The following RUNX3 variants were observed in gnomAD, a reference collection of about 807,000 sequenced individuals.
RUNX3 encodes RUNX family transcription factor 3, also known as runt-related transcription factor 3.
Under a neutral mutation model 27.7 loss-of-function variants are expected in RUNX3, and 10 were observed. The ratio of observed to expected loss-of-function variants is 0.36; its 90% CI spans 0.22 to 0.61. The LOEUF (loss-of-function observed/expected upper bound fraction) is 0.61, where lower values mean the gene tolerates loss of function less well. Among genes scored for constraint, RUNX3 ranks in the 20% least tolerant of loss-of-function variants. The probability of loss-of-function intolerance (pLI) is 0.72; values close to 1 mark genes in which losing one functional copy is unlikely to be tolerated. For synonymous variants in RUNX3, 270 were observed against 269.2 expected (o/e 1.00, Z -0.03); for missense variants, 469 against 629.5 (o/e 0.75, Z 2.73).
At chr1:24,960,883 C>A (rs1016030434) in intron 2 of RUNX3, among the ~76,000 whole-genome samples, 3 of 152,096 alleles carry the variant, frequency 2.0e-5, no homozygotes, top group Admixed American at 1.3e-4. Context: ...TCAGCTTCCC[C>A]ATTTGTCACA....
At position 24,940,227 on chromosome 1, in the gene RUNX3, G is replaced by A. The variant is rs375444634; in HGVS notation, c.59-10375C>T. Reference sequence around the variant, plus strand: ...GAGGTAGAGATCAAGTTGAGACCAGGATATTGTGCAGGGAGTTCGAGTGTT... The same window carrying A: ...GAGGTAGAGATCAAGTTGAGACCAGAATATTGTGCAGGGAGTTCGAGTGTT... On this transcript the variant is annotated intron_variant, in intron 2 of 6. Coordinates refer to the RUNX3 transcript ENST00000338888. Among the ~76,000 whole-genome samples, 403 of 152,300 alleles carry A rather than the reference G, an allele frequency of 2.6e-3. 5 individuals carry two copies. The highest frequency in any genetic ancestry group is 4.1e-3 in the Non-Finnish European group (278 of 68,016).
chr1:24,948,670 G>T (rs1557857370), intron 2 of RUNX3, among the ~76,000 whole-genome samples: 1 of 151,544 alleles, frequency 6.6e-6, no homozygotes, highest in East Asian at 1.9e-4. Context: ...GCATGTGGGG[G>T]GTGCGTGCAA....
rs1641034857 is a variant in RUNX3, at chr1:24,923,259, G to C, written c.440-3915C>G. On this transcript the variant is annotated intron_variant, in intron 2 of 4. Transcript: ENST00000308873. The surrounding 1 kb of genome is among the most constrained non-coding windows in gnomAD (Gnocchi z 5.9). ...GTGTGGGGCCTAAGAGGAGGAGTGAGAGGGAGGGGCAGGAGTCCTGGACCT... is the reference window on the plus strand; with the variant it reads ...GTGTGGGGCCTAAGAGGAGGAGTGACAGGGAGGGGCAGGAGTCCTGGACCT... Among the ~76,000 whole-genome samples, 1 of 152,172 alleles carries C rather than the reference G, an allele frequency of 6.6e-6. No homozygotes were observed. Among genetic ancestry groups the C allele is most frequent in the Non-Finnish European group, 1.5e-5 (1 of 68,036 alleles).
chr1:24,929,147 G>A (rs1173894596), intron 1 of RUNX3: 2 of 465,078 alleles, frequency 4.3e-6, no homozygotes, highest in African/African-American at 4.0e-5. Flanking sequence ...TGAGCAGGAA[G>A]CTTTTGCGAA....
At chr1:24,937,130 C>G (rs952641787) in intron 2 of RUNX3, among the ~76,000 whole-genome samples, 1 of 152,282 alleles carries the variant, frequency 6.6e-6, no homozygotes, top group Middle Eastern at 3.4e-3. Flanking sequence ...GGGAGTGACC[C>G]CCAGTGTGGT....
At chr1:24,936,651 C>T (rs953261329) in intron 2 of RUNX3, among the ~76,000 whole-genome samples, 57 of 152,316 alleles carry the variant, frequency 3.7e-4, no homozygotes, top group Admixed American at 5.2e-4. Flanking sequence ...AGCTACCTCC[C>T]GCTGACTCCG....
At chr1:24,956,797 C>T (rs1055128928) in intron 2 of RUNX3, among the ~76,000 whole-genome samples, 1 of 152,190 alleles carries the variant, frequency 6.6e-6, no homozygotes, top group African/African-American at 2.4e-5. Flanking sequence ...CCAAAATGGA[C>T]CCCTCCTTTC....
chr1:24,935,081 C>T (rs1465288999), upstream of RUNX3, among the ~76,000 whole-genome samples: 3 of 152,174 alleles, frequency 2.0e-5, no homozygotes, highest in Admixed American at 6.5e-5. Flanking sequence ...GGGGAAAGGG[C>T]GTGATCAGGA....
chr1:24,919,000 T>C (rs977917336), intron 3 of RUNX3, among the ~76,000 whole-genome samples: 2 of 152,158 alleles, frequency 1.3e-5, no homozygotes, highest in African/African-American at 4.8e-5. Flanking sequence ...TTTCCTTGAC[T>C]CCCTCAGTAG....
chr1:24,964,445 C>CA, intron 2 of RUNX3: 1 of 1,313,684 alleles, frequency 7.6e-7, no homozygotes, highest in Non-Finnish European at 1.1e-6. Context: ...CCAGGGCGGT[C>CA]AGTGGAGGGA....
At position 24,962,591 on chromosome 1, in the gene RUNX3, C is replaced by CA; in HGVS notation, c.58+1922dup. Among the ~76,000 whole-genome samples, 1 of 152,340 alleles carries CA rather than the reference C, an allele frequency of 6.6e-6. No homozygotes were observed. The highest frequency in any genetic ancestry group is 6.5e-5 in the Admixed American group (1 of 15,312). ...GAGAGAGAAGGCTGAAGAGGGGAGA[C>CA]AGGTCTCCACAAAAGTGGAGGGAAG... is the stretch of plus-strand genomic sequence containing the variant. On this transcript the variant is annotated intron_variant, in intron 2 of 6. Transcript: ENST00000338888. The surrounding 1 kb of genome is among the most constrained non-coding windows in gnomAD (Gnocchi z 4.5).
In RUNX3 at chr1:24,923,592, C is replaced by T. The variant is rs1006442786; in HGVS notation, c.439+3982G>A. ...CCTCCAGGACCCATCATCAACCAGC[C>T]GGGGTGGCAGCAGGGCCTCAGGCAA... On this transcript the variant is annotated intron_variant, in intron 2 of 4. Transcript: ENST00000308873. This position sits in a 1 kb window ranked among gnomAD's most constrained non-coding sequence, Gnocchi z 5.9. Among the ~76,000 whole-genome samples the T allele has an allele frequency of 3.3e-5, 5 of 152,064 alleles. No individual in the cohort carries two copies. The highest frequency in any genetic ancestry group is 7.2e-5 in the African/African-American group (3 of 41,394).
intron 2 of RUNX3, among the ~76,000 whole-genome samples, chr1:24,956,205 G>C (rs1164610003): frequency 2.6e-5 from 4 of 152,234 alleles, no homozygotes; most frequent in Non-Finnish European, 5.9e-5. Context: ...CCGTTCCCAG[G>C]CTGGAGCTCA....
chr1:24,962,461 G>A lies in RUNX3; in HGVS notation c.58+2053C>T, dbSNP rs906646357. Among the ~76,000 whole-genome samples the A allele has an allele frequency of 3.9e-5, 6 of 152,170 alleles. No homozygotes were observed. Among genetic ancestry groups the A allele is most frequent in the South Asian group, 4.1e-4 (2 of 4,826 alleles). On this transcript the variant is annotated intron_variant, in intron 2 of 6. Coordinates refer to the RUNX3 transcript ENST00000338888. This position sits in a 1 kb window ranked among gnomAD's most constrained non-coding sequence, Gnocchi z 4.5. ...CCTGCAAATGGGACCCTGGGGCTGC[G>A]TCTCTTTGAGGAAGGAATTGGCAGC...
intron 2 of RUNX3, among the ~76,000 whole-genome samples, chr1:24,951,738 C>T (rs1009109423): frequency 7.2e-5 from 11 of 152,220 alleles, no homozygotes; most frequent in African/African-American, 2.4e-4. Context: ...TGGCGAGCCA[C>T]GCAGGCTCTG....
At chr1:24,955,063 T>A (rs943302684) in intron 2 of RUNX3, among the ~76,000 whole-genome samples, 2 of 152,184 alleles carry the variant, frequency 1.3e-5, no homozygotes, top group African/African-American at 4.8e-5. Flanking sequence ...TTTTGTGTGA[T>A]CCTTCTTCCA....
Position 24,902,125 on chromosome 1 carries a change from G to T in RUNX3, c.1245C>A (p.Tyr415Ter). The change falls in exon 5 of 5, where the codon TAC (tyrosine) becomes TAA (stop). Residue 415 changes from tyrosine (Y) to a stop codon, truncating the protein, a stop_gained. Transcript: ENST00000308873. LOFTEE classifies it high-confidence loss of function. This position sits in a 1 kb window ranked among gnomAD's most constrained non-coding sequence, Gnocchi z 9.2. Reference sequence around the variant, plus strand: ...CGGGAGGAGTCCACCAGGGCGGTCAGTAGGGCCGCCACACGGCCTCATCCA... The same window carrying T: ...CGGGAGGAGTCCACCAGGGCGGTCATTAGGGCCGCCACACGGCCTCATCCA... Reference protein sequence around the residue: ...GRMDEAVWRPY With the variant: ...GRMDEAVWRP 1 of 1,541,198 alleles carries T rather than the reference G, an allele frequency of 6.5e-7. No homozygotes were observed. The highest frequency in any genetic ancestry group is 1.9e-5 in the Admixed American group (1 of 53,398).
At chr1:24,956,601 G>A (rs1472726169) in intron 2 of RUNX3, among the ~76,000 whole-genome samples, 5 of 152,246 alleles carry the variant, frequency 3.3e-5, no homozygotes, top group South Asian at 2.1e-4. Context: ...ACCTCTTCCC[G>A]AGACACAGGG....
chr1:24,910,161 C>T (rs552440506), intron 3 of RUNX3, among the ~76,000 whole-genome samples: 93 of 152,022 alleles, frequency 6.1e-4, no homozygotes, highest in Non-Finnish European at 1.2e-3. Context: ...TGGTGGCGGG[C>T]GCCTATGATC....
Sources: gnomAD v4.1 joint callset for allele counts (sites outside exome capture counted in the v4.1 genomes callset) on GRCh38, gnomAD v4.1.1 for gene constraint, Gnocchi (gnomAD v3.1) non-coding constraint, MANE v1.5 for transcripts, NCBI Gene and HGNC (gene_info 2026-07-23, HGNC 2026-07-21) for gene names.